The following KDM5B variants were observed in gnomAD, a reference collection of about 807,000 sequenced individuals.
KDM5B encodes the protein lysine-specific demethylase 5B.
Under a neutral mutation model 193.4 loss-of-function variants are expected in KDM5B, and 144 were observed. The ratio of observed to expected loss-of-function variants is 0.74; its 90% CI spans 0.65 to 0.86. The LOEUF (loss-of-function observed/expected upper bound fraction) is 0.86. Among genes scored for constraint, KDM5B ranks in the 40% least tolerant of loss-of-function variants. The pLI is 0.00. For synonymous variants in KDM5B, 668 were observed against 682.6 expected (o/e 0.98, Z 0.33); for missense variants, 1,833 against 1,886.9 (o/e 0.97, Z 0.53).
intron 12 of KDM5B, 92 bp from the exon 13 acceptor site, chr1:202,750,870 A>C: frequency 1.5e-6 from 2 of 1,315,174 alleles, no homozygotes; most frequent in Non-Finnish European, 2.1e-6. Flanking sequence ...GATAATTTTC[A>C]AAAAAAGGCA....
In KDM5B at chr1:202,761,817, G is replaced by A. The variant is rs138542124; in HGVS notation, c.918+882C>T. ...CTGTTGTTTAAGCCACTCAGTCTGC[G>A]GCACATCCTTATGGCAGCCACAGCA... On this transcript the variant is annotated intron_variant, in intron 7 of 26. Transcript: ENST00000367265. Among the ~76,000 whole-genome samples the A allele has an allele frequency of 1.5e-3, 235 of 152,228 alleles. 2 individuals are homozygous for A. The highest frequency in any genetic ancestry group is 5.4e-3 in the African/African-American group (226 of 41,516).
In KDM5B at chr1:202,808,100, A is replaced by C; in HGVS notation, c.204+2T>G. On this transcript the variant is annotated splice_donor_variant, in intron 1 of 26. Coordinates refer to ENST00000367265, the MANE Select transcript of KDM5B (RefSeq NM_006618.5). LOFTEE classifies it high-confidence loss of function. ...TGGATCCGGGGTGCTGGCGTGACTC[A>C]CCGGCGGCGGCCGCACCTTACAGAT... 1 of 1,609,856 alleles carries C rather than the reference A, an allele frequency of 6.2e-7. No individual in the cohort carries two copies. The highest frequency in any genetic ancestry group is 8.5e-7 in the Non-Finnish European group (1 of 1,178,538).
At chr1:202,769,668 C>CAAAA (rs71142553) in intron 4 of KDM5B, among the ~76,000 whole-genome samples, 2 of 55,944 alleles carry the variant, frequency 3.6e-5, no homozygotes, top group Non-Finnish European at 5.8e-5. Context: ...GACTCTGTCT[C>CAAAA]AAAAAAAAAA....
intron 1 of KDM5B, among the ~76,000 whole-genome samples, chr1:202,785,309 GCCTCCTCTGTATTTCTCCATTTTAA>G (rs1048370270): frequency 6.6e-6 from 1 of 152,046 alleles, no homozygotes; most frequent in African/African-American, 2.4e-5. Flanking sequence ...CAGGTTAAAG[GCCTCCTCTGTATTTCTCCATTTTAA>G]CCTCCTCTAT....
intron 5 of KDM5B, 70 bp from the exon 6 acceptor site, chr1:202,764,215 T>A: frequency 1.2e-6 from 1 of 807,622 alleles, no homozygotes; most frequent in Non-Finnish European, 1.9e-6. Context: ...CCAACTGGAA[T>A]CTCAAGGTGA....
At chr1:202,781,522 A>G (rs1657197638) in intron 1 of KDM5B, among the ~76,000 whole-genome samples, 1 of 152,184 alleles carries the variant, frequency 6.6e-6, no homozygotes, top group Non-Finnish European at 1.5e-5. Context: ...AAATACCTCC[A>G]TCCCAAGTGA....
At chr1:202,739,932 C>G (rs1572711717) in intron 20 of KDM5B, among the ~76,000 whole-genome samples, 3 of 152,226 alleles carry the variant, frequency 2.0e-5, no homozygotes, top group Non-Finnish European at 2.9e-5. Flanking sequence ...CCTTTCCCCC[C>G]TTTCTATTCC....
In KDM5B at chr1:202,750,686, C is replaced by G. The variant is rs1205600998; in HGVS notation, c.1794G>C (p.Glu598Asp). Residue 598 changes from glutamate to aspartate, a missense_variant, in exon 13 of 27, where the codon GAG becomes GAC. Coordinates refer to ENST00000367265, the MANE Select transcript of KDM5B (RefSeq NM_006618.5). Reference protein sequence around the residue: ...SGFNQGFNFAEAVNFCTVDWL... With the variant: ...SGFNQGFNFADAVNFCTVDWL... ...AATCAACAGTGCAGAAGTTAACAGC[C>G]TCAGCAAAATTAAAACCCTGGTTAA... 6.2e-7 allele frequency: 1 copy of G among 1,613,764 alleles called. No homozygotes were observed.
chr1:202,779,629 G>A (rs920899472), intron 1 of KDM5B, among the ~76,000 whole-genome samples: 7 of 151,434 alleles, frequency 4.6e-5, no homozygotes, highest in African/African-American at 1.5e-4. Flanking sequence ...GCAAAACCCC[G>A]TCTCTACTAA....
chr1:202,764,083 A>T lies in KDM5B; in HGVS notation c.774T>A (p.Arg258=). ...ATTTTGGAGTTGGACAACCCATTCG[A>T]CGTCTCAGATTATGAGTTCTGGCTT... is the stretch of plus-strand genomic sequence containing the variant. The part of the protein sequence containing the change: ...TTEARTHNLR[R]RMGCPTPKCE... The change falls in exon 6 of 27, where the codon CGT becomes CGA. Residue 258 remains arginine (R), a synonymous_variant. Transcript: ENST00000367265. 1 of 1,584,798 alleles carries T rather than the reference A, an allele frequency of 6.3e-7. No individual in the cohort carries two copies. Among genetic ancestry groups the T allele is most frequent in the African/African-American group, 1.4e-5 (1 of 73,754 alleles).
Position 202,736,210 on chromosome 1 carries a change from TACC to T in KDM5B, c.3264_3264+2del, listed in dbSNP as rs1655087606. The T allele has an allele frequency of 6.5e-7, 1 of 1,544,878 alleles. No homozygotes were observed. The highest frequency in any genetic ancestry group is 1.4e-5 in the African/African-American group (1 of 72,786). On this transcript the variant is annotated splice_donor_variant and coding_sequence_variant, in exon 21 of 27. Transcript: ENST00000367265. LOFTEE classifies it high-confidence loss of function. ...CTTGCAGATGAGCTGGTTGTAAACTTACCTCTAAGAGAGAATATGGAGAATTCT... is the reference window on the plus strand; with the variant it reads ...CTTGCAGATGAGCTGGTTGTAAACTTTCTAAGAGAGAATATGGAGAATTCT...
chr1:202,752,733 A>T (rs1558492639), intron 12 of KDM5B, among the ~76,000 whole-genome samples, 172 bp downstream of exon 12: 1 of 152,260 alleles, frequency 6.6e-6, no homozygotes, highest in Non-Finnish European at 1.5e-5. Context: ...GTATCTAAGG[A>T]TCCAGTCCTA....
chr1:202,775,833 G>A (rs1656919486), intron 2 of KDM5B, among the ~76,000 whole-genome samples: 1 of 112,082 alleles, frequency 8.9e-6, no homozygotes. Context: ...TCCAGCCTTG[G>A]TGACAGAACA....
At position 202,756,533 on chromosome 1, in the gene KDM5B, T is replaced by C. The variant is rs1266119647; in HGVS notation, c.1198-17A>G. On this transcript the variant is annotated splice_polypyrimidine_tract_variant and intron_variant, in intron 9 of 26. Transcript: ENST00000367265. ...GGGGACCATCTGGAAATACAAGGAA[T>C]AGAAAAAATGAGTTTCCTCACAAAC... 7.1e-6 allele frequency: 11 copies of C among 1,557,514 alleles called. No homozygotes were observed. In the African/African-American group the frequency reaches 8.3e-5, roughly 12 times the overall value.
intron 1 of KDM5B, among the ~76,000 whole-genome samples, chr1:202,786,641 C>A (rs1210131584): frequency 6.6e-6 from 1 of 152,216 alleles, no homozygotes; most frequent in Non-Finnish European, 1.5e-5. Context: ...TGTGTGCCCA[C>A]TATACAAAAC....
Position 202,755,710 on chromosome 1 carries a change from T to C in KDM5B, c.1357-258A>G, listed in dbSNP as rs551872174. ...AGGAACATAAGCCATGAGTCCACTTTAACAAAGTTCAAAATCAGGCAAACT... is the reference window on the plus strand; with the variant it reads ...AGGAACATAAGCCATGAGTCCACTTCAACAAAGTTCAAAATCAGGCAAACT... On this transcript the variant is annotated intron_variant, in intron 10 of 26. Transcript: ENST00000367265. Among the ~76,000 whole-genome samples, 61 of 152,228 alleles carry C rather than the reference T, an allele frequency of 4.0e-4. No individual in the cohort carries two copies. The South Asian group carries it at 8.1e-3, about 20-fold the overall frequency.
intron 1 of KDM5B, chr1:202,796,232 CT>C: frequency 2.8e-6 from 1 of 353,266 alleles, no homozygotes; most frequent in East Asian, 9.1e-5. Context: ...GCCCTCCTCT[CT>C]CCAATCCTGT....
chr1:202,733,424 C>T lies in KDM5B; in HGVS notation c.3886G>A (p.Gly1296Arg). ...LLYSRWQASA[G>R]QVSDTNKVSQ... ...ACCTTGTTTGTGTCTGACACCTGTC[C>T]TGCTGAGGCTTGCCATCTGCTATAT... Residue 1296 changes from glycine (G) to arginine (R), a missense_variant, in exon 23 of 27, where the codon GGA (glycine) becomes AGA (arginine). Physicochemically the swap from Gly to Arg is moderately radical, Grantham distance 125. Transcript: ENST00000367265. The T allele has an allele frequency of 1.2e-6, 2 of 1,612,948 alleles. No homozygotes were observed. Among genetic ancestry groups the T allele is most frequent in the Non-Finnish European group, 1.7e-6 (2 of 1,178,954 alleles).
Position 202,792,854 on chromosome 1 carries a change from G to A in KDM5B, c.204+15248C>T, listed in dbSNP as rs183477624. ...ACTAAAAATACAAAAAAAATTAGCCGGGCATGGTGGTGGGTGCCTGTAATC... is the reference window on the plus strand; with the variant it reads ...ACTAAAAATACAAAAAAAATTAGCCAGGCATGGTGGTGGGTGCCTGTAATC... On this transcript the variant is annotated intron_variant, in intron 1 of 26. Transcript: ENST00000367265. 4.9e-3 allele frequency among the ~76,000 whole-genome samples: 752 copies of A among 152,136 alleles called. 1 individual carries two copies. The highest frequency in any genetic ancestry group is 0.02 in the Middle Eastern group (6 of 294).
Sources: allele counts gnomAD v4.1 joint callset (sites outside exome capture counted in the v4.1 genomes callset), GRCh38; gene constraint gnomAD v4.1.1; transcripts MANE v1.5; gene names NCBI Gene and HGNC (gene_info 2026-07-23, HGNC 2026-07-21).